Variants in FAM20C observed in about 807,000 individuals in gnomAD.
The protein encoded by FAM20C is extracellular serine/threonine protein kinase FAM20C.
In FAM20C, 40 loss-of-function variants were observed where a neutral mutation model predicts 51.5. The ratio of observed to expected loss-of-function variants is 0.78; its 90% CI spans 0.60 to 1.01. The LOEUF (loss-of-function observed/expected upper bound fraction) is 1.01. Among genes scored for constraint, FAM20C ranks in the 50% least tolerant of loss-of-function variants. The pLI is 0.00. For missense variants in FAM20C, 861 were observed against 844.7 expected, an observed-to-expected ratio of 1.02 and a Z score of -0.24; for synonymous variants, 406 against 380.6, an observed-to-expected ratio of 1.07 and a Z score of -0.78.
intron 2 of FAM20C, among the ~76,000 whole-genome samples, chr7:204,855 G>A (rs1184767874): frequency 6.6e-6 from 1 of 152,170 alleles, no homozygotes. Flanking sequence ...TCAGGGAGGG[G>A]AAGTGGCACC....
chr7:248,294 T>TG (rs1788251087), intron 4 of FAM20C, 21 bp from the exon 5 acceptor site: 1 of 1,486,308 alleles, frequency 6.7e-7, no homozygotes, highest in African/African-American at 1.5e-5. Flanking sequence ...CACAGACCAT[T>TG]CCCCGCCCGT....
At chr7:228,287 C>T in intron 3 of FAM20C, 1 of 363,844 alleles carries the variant, frequency 2.7e-6, no homozygotes, top group Non-Finnish European at 5.5e-6. Flanking sequence ...TCAGTGCTGC[C>T]TGTCCCCATG....
intron 2 of FAM20C, among the ~76,000 whole-genome samples, chr7:196,074 G>A (rs1362769750): frequency 2.0e-5 from 3 of 152,108 alleles, no homozygotes; most frequent in Non-Finnish European, 2.9e-5. Context: ...TATCTCTGGC[G>A]GCGGTGACCC....
chr7:209,511 G>T (rs1299512879), intron 3 of FAM20C, among the ~76,000 whole-genome samples: 1 of 152,136 alleles, frequency 6.6e-6, no homozygotes, highest in Non-Finnish European at 1.5e-5. Flanking sequence ...GGCTGGATGT[G>T]GTCCAGTGGA....
intron 2 of FAM20C, among the ~76,000 whole-genome samples, chr7:207,872 C>T (rs916531154): frequency 2.6e-5 from 4 of 152,250 alleles, no homozygotes; most frequent in Non-Finnish European, 5.9e-5. Flanking sequence ...GAGCCCCCTT[C>T]CTTCTCCACC....
chr7:214,048 A>G (rs1786848737), intron 3 of FAM20C, among the ~76,000 whole-genome samples: 1 of 152,206 alleles, frequency 6.6e-6, no homozygotes, highest in African/African-American at 2.4e-5. Flanking sequence ...CGTCTTGGCC[A>G]GGCACAGTAG....
rs111640449 is a variant in FAM20C at position 228,572 on chromosome 7, C to T, written c.864-17843C>T. 1,160 of 456,208 alleles carry T rather than the reference C, an allele frequency of 2.5e-3. 9 individuals are homozygous for T. Among genetic ancestry groups the T allele is most frequent in the African/African-American group, 0.021 (1,056 of 50,166 alleles). The allele number at this position is 456,208 out of a possible 1,614,324, so 28.3% of individuals were successfully genotyped here. On this transcript the variant is annotated intron_variant, in intron 3 of 9. Coordinates refer to ENST00000313766, the MANE Select transcript of FAM20C (RefSeq NM_020223.4). ...AGGGGAGACGCCCGCTGCCTACACC[C>T]CCAGCTCTCCTCTGAGGGCAGCGTT...
At chr7:214,339 T>C (rs1786865155) in intron 3 of FAM20C, among the ~76,000 whole-genome samples, 1 of 151,744 alleles carries the variant, frequency 6.6e-6, no homozygotes, top group Non-Finnish European at 1.5e-5. Context: ...AAAAAAAAAA[T>C]CTTTACATGT....
At chr7:227,726 A>G (rs962278658) in intron 3 of FAM20C, 12 of 152,254 alleles carry the variant, frequency 7.9e-5, no homozygotes, top group Admixed American at 7.2e-4. Flanking sequence ...ATGAGCCGAC[A>G]GTAGCGTGTT....
chr7:193,274 C>T lies in FAM20C; in HGVS notation c.75C>T (p.Ile25=). The part of the protein sequence containing the change: ...MVFLVACALH[I]ALDLLPRLER... ...TCCTGGTGGCCTGCGCGCTGCACAT[C>T]GCCCTGGACCTGCTGCCCAGGCTGG... The change falls in exon 1 of 10, where the codon ATC becomes ATT. Residue 25 remains isoleucine, a synonymous_variant. Coordinates refer to ENST00000313766, the MANE Select transcript of FAM20C (RefSeq NM_020223.4). 1 of 1,448,956 alleles carries T rather than the reference C, an allele frequency of 6.9e-7. No individual in the cohort carries two copies. The allele number at this position is 1,448,956 out of a possible 1,614,324, so 89.8% of individuals were successfully genotyped here.
intron 5 of FAM20C, among the ~76,000 whole-genome samples, chr7:251,225 ACGG>A (rs1470429484): frequency 1.3e-5 from 2 of 148,360 alleles, no homozygotes. Flanking sequence ...GTGGCCGGGC[ACGG>A]CGGCTCACGC....
chr7:234,131 G>A (rs927126002), intron 3 of FAM20C, among the ~76,000 whole-genome samples: 1 of 152,252 alleles, frequency 6.6e-6, no homozygotes, highest in Non-Finnish European at 1.5e-5. Flanking sequence ...AAGTGGAGGC[G>A]TGACGCCTGT....
At chr7:252,255 CG>C (rs1788429006) in intron 5 of FAM20C, among the ~76,000 whole-genome samples, 1 of 130,876 alleles carries the variant, frequency 7.6e-6, no homozygotes, top group Non-Finnish European at 1.7e-5. Flanking sequence ...CTGCCGGAGC[CG>C]AGGGCACATC....
rs1391952907 is a variant in FAM20C, at chr7:193,704, C to G, written c.505C>G (p.Leu169Val). ...CCTGGCCAGGCTGTTCGAGCACCCG[C>G]TTTACCGGGTGGCGGTTCCGCCGCT... ...SLLARLFEHP[L>V]YRVAVPPLTE... The change falls in exon 1 of 10, where the codon CTT becomes GTT. Residue 169 changes from leucine (L) to valine (V), a missense_variant. By Grantham distance (32) the Leu-to-Val change is conservative. Around this residue, in one of 3 missense-constraint regions of FAM20C, gnomAD observed 561 missense variants for 499.8 expected, o/e 1.12. Coordinates refer to ENST00000313766, the MANE Select transcript of FAM20C (RefSeq NM_020223.4). 1 of 1,546,288 alleles carries G rather than the reference C, an allele frequency of 6.5e-7. No homozygotes were observed. The highest frequency in any genetic ancestry group is 2.0e-5 in the Admixed American group (1 of 50,828).
Position 193,670 on chromosome 7 carries a change from C to T in FAM20C, c.471C>T (p.Asp157=), listed in dbSNP as rs1328685187. The T allele has an allele frequency of 2.6e-6, 4 of 1,542,038 alleles. No homozygotes were observed. The highest frequency in any genetic ancestry group is 3.5e-6 in the Non-Finnish European group (4 of 1,143,800). Residue 157 remains aspartate, a synonymous_variant, in exon 1 of 10, where the codon GAC becomes GAT. Coordinates refer to ENST00000313766, the MANE Select transcript of FAM20C (RefSeq NM_020223.4). ...RSESPPGPGG[D]ASLLARLFEH... ...AGTCGCCCCCCGGCCCCGGCGGAGA[C>T]GCCTCCCTCCTGGCCAGGCTGTTCG... is the stretch of plus-strand genomic sequence containing the variant.
intron 3 of FAM20C, among the ~76,000 whole-genome samples, chr7:220,721 G>A (rs973608539): frequency 8.5e-5 from 13 of 152,190 alleles, no homozygotes; most frequent in South Asian, 2.1e-4. Context: ...GAGGCCGGAG[G>A]GAGGGCGGGA....
chr7:206,332 C>T (rs1786377335), intron 2 of FAM20C, among the ~76,000 whole-genome samples: 1 of 152,196 alleles, frequency 6.6e-6, no homozygotes, highest in South Asian at 2.1e-4. Context: ...CAACAGCAGC[C>T]AGGGACAATC....
In FAM20C at chr7:260,216, G is replaced by A; in HGVS notation, c.*236G>A. 2.1e-6 allele frequency: 1 copy of A among 487,386 alleles called. No individual in the cohort carries two copies. The highest frequency in any genetic ancestry group is 3.5e-6 in the Non-Finnish European group (1 of 285,758). 30.2% of individuals were successfully genotyped at this position (487,386 alleles called of 1,614,324 possible). ...CTGTGCTCACGGACAGAGGCGGCCG[G>A]CGCCGGAGGCATTCCATCCTTTCTG... On this transcript the variant is annotated 3_prime_UTR_variant, in exon 10 of 10. Transcript: ENST00000313766.
chr7:217,379 T>TTTA (rs1382841022), intron 3 of FAM20C, among the ~76,000 whole-genome samples: 1 of 5,700 alleles, frequency 1.8e-4, no homozygotes, highest in African/African-American at 5.6e-4. Context: ...AGACTGGCTG[T>TTTA]GGGTGAGCTC....
Sources: gnomAD v4.1 joint callset for allele counts (sites outside exome capture counted in the v4.1 genomes callset) on GRCh38, gnomAD v4.1.1 for gene constraint, gnomAD v4.1.1 regional missense constraint, MANE v1.5 for transcripts, NCBI Gene and HGNC (gene_info 2026-07-23, HGNC 2026-07-21) for gene names.